The following POSTN variants were observed in gnomAD, a reference collection of about 807,000 sequenced individuals.
POSTN encodes osteoblast specific factor 2 (fasciclin I-like).
Under a neutral mutation model 104.5 loss-of-function variants are expected in POSTN, and 71 were observed. The ratio of observed to expected loss-of-function variants is 0.68; its 90% confidence interval spans 0.56 to 0.83. The LOEUF is 0.83. Among genes scored for constraint, POSTN ranks in the 40% least tolerant of loss-of-function variants. POSTN has a pLI of 0.00. For missense variants in POSTN, 949 were observed against 1,006.8 expected (o/e 0.94, Z 0.78); for synonymous variants, 355 against 340.7 (o/e 1.04, Z -0.46).
Position 37,583,917 on chromosome 13 carries a change from A to AG in POSTN, c.1243+51dup, listed in dbSNP as rs1444319983. The AG allele has an allele frequency of 7.1e-6, 11 of 1,557,884 alleles. No homozygotes were observed. In the Admixed American group the frequency reaches 1.0e-4, roughly 14 times the overall value. On this transcript the variant is annotated intron_variant, in intron 9 of 22. Transcript: ENST00000379747. ...TTCTTATTGCAAACAATCATCATAA[A>AG]GAAAAAAAGGTGTGTAGGCAGAGAG... is the stretch of plus-strand genomic sequence containing the variant.
At chr13:37,578,220 T>A (rs1010947587) in intron 15 of POSTN, among the ~76,000 whole-genome samples, 2 of 152,196 alleles carry the variant, frequency 1.3e-5, no homozygotes, top group African/African-American at 2.4e-5. Flanking sequence ...TATGTACCAT[T>A]TTATTTTTCT....
rs540370321 is a variant in POSTN, at chr13:37,580,719, T to C, written c.1393-22A>G. 2.0e-5 allele frequency: 33 copies of C among 1,613,366 alleles called. No homozygotes were observed. In the South Asian group the frequency reaches 3.3e-4, roughly 16 times the overall value. ...CAGCCTAGGAAAGGAAAGAAAGGTA[T>C]GGGGTGTCATTTTCCTTGCTTGAAA... On this transcript the variant is annotated intron_variant, in intron 10 of 22. Transcript: ENST00000379747.
intron 6 of POSTN, 46 bp from the exon 7 acceptor site, chr13:37,586,326 A>G: frequency 6.4e-7 from 1 of 1,571,266 alleles, no homozygotes; most frequent in Non-Finnish European, 8.7e-7. Flanking sequence ...TTGTAAATCC[A>G]GAAAAAGATT....
At chr13:37,587,793 T>A (rs754627366) in intron 5 of POSTN, 29 bp downstream of exon 5, 1 of 1,470,388 alleles carries the variant, frequency 6.8e-7, no homozygotes, top group Non-Finnish European at 9.3e-7. Context: ...GTATTTTTCA[T>A]AAGTGTACTT....
intron 15 of POSTN, among the ~76,000 whole-genome samples, chr13:37,578,211 A>G (rs945235913): frequency 6.6e-6 from 1 of 152,178 alleles, no homozygotes; most frequent in Non-Finnish European, 1.5e-5. Flanking sequence ...TTAGTCATTT[A>G]TGTACCATTT....
chr13:37,567,190 C>T (rs1950133771), intron 21 of POSTN, among the ~76,000 whole-genome samples: 1 of 126,054 alleles, frequency 7.9e-6, no homozygotes, highest in South Asian at 2.8e-4. Flanking sequence ...GAGCCGAGAT[C>T]CCGCCACTGC....
At chr13:37,566,428 T>C (rs1409995523) in intron 21 of POSTN, among the ~76,000 whole-genome samples, 2 of 152,182 alleles carry the variant, frequency 1.3e-5, no homozygotes, top group African/African-American at 4.8e-5. Flanking sequence ...TTAATGTCAA[T>C]TGATGATTGA....
At chr13:37,567,364 C>T (rs2138153057) in intron 21 of POSTN, among the ~76,000 whole-genome samples, 1 of 149,546 alleles carries the variant, frequency 6.7e-6, no homozygotes, top group East Asian at 2.0e-4. Flanking sequence ...ATTAATTGGC[C>T]AGACCTTGGA....
intron 10 of POSTN, among the ~76,000 whole-genome samples, chr13:37,581,604 T>G (rs1279357577): frequency 6.6e-6 from 1 of 152,010 alleles, no homozygotes; most frequent in Non-Finnish European, 1.5e-5. Flanking sequence ...GCACCTATAG[T>G]CCTAGCTACT....
At chr13:37,574,906 T>C (rs950026284) in intron 16 of POSTN, among the ~76,000 whole-genome samples, 1 of 151,952 alleles carries the variant, frequency 6.6e-6, no homozygotes, top group Non-Finnish European at 1.5e-5. Context: ...TGAGGAATTA[T>C]ATCTAGAAAT....
Position 37,590,502 on chromosome 13 carries a change from G to A in POSTN, c.311C>T (p.Thr104Ile). The A allele has an allele frequency of 6.2e-7, 1 of 1,612,758 alleles. No individual in the cohort carries two copies. Among genetic ancestry groups the A allele is most frequent in the Non-Finnish European group, 8.5e-7 (1 of 1,179,112 alleles). Residue 104 changes from threonine (T) to isoleucine (I), a missense_variant, in exon 4 of 23, where the codon ACT (threonine) becomes ATT (isoleucine). Coordinates refer to ENST00000379747, the MANE Select transcript of POSTN (RefSeq NM_006475.3). ...TGTGGTGGCTCCCACGATGCCCAGA[G>A]TGCCATAAACATGGTCAATGGGCAA... is the stretch of plus-strand genomic sequence containing the variant. ...AVLPIDHVYGTLGIVGATTTQ... is the reference protein window; with the variant it reads ...AVLPIDHVYGILGIVGATTTQ...
Position 37,574,758 on chromosome 13 carries a change from C to T in POSTN, c.2009-106G>A, listed in dbSNP as rs1017247230. On this transcript the variant is annotated intron_variant, in intron 16 of 22. Coordinates refer to ENST00000379747, the MANE Select transcript of POSTN (RefSeq NM_006475.3). ...TTTGTCTCTGTAGGATACTAAGGCA[C>T]AGGATGTGGTAATATGTTCAGGCAG... is the stretch of plus-strand genomic sequence containing the variant. 2.7e-5 allele frequency: 36 copies of T among 1,340,778 alleles called. No homozygotes were observed. The Admixed American group carries it at 3.4e-4, about 13-fold the overall frequency. The allele number at this position is 1,340,778 out of a possible 1,614,324, so 83.1% of individuals were successfully genotyped here.
At chr13:37,586,663 C>T in intron 6 of POSTN, 119 bp downstream of exon 6, 1 of 944,750 alleles carries the variant, frequency 1.1e-6, no homozygotes. Context: ...AATAGTAGTC[C>T]TTTCAAAAAA....
intron 22 of POSTN, among the ~76,000 whole-genome samples, chr13:37,563,605 A>C: frequency 6.6e-6 from 1 of 152,222 alleles, no homozygotes; most frequent in East Asian, 1.9e-4. Flanking sequence ...ATTTGTGTCA[A>C]TTTGGATATT....
chr13:37,569,314 C>T lies in POSTN; in HGVS notation c.2417G>A (p.Arg806Lys), dbSNP rs774049316. ...CTTTTACTAACCTCCCTGAAGCAGT[C>T]TTTTAATTTCTTCATCTTCAAATAA... ...GHLFEDEEIK[R>K]LLQGDTPVRK... is the part of the protein sequence containing the mutation. Residue 806 changes from arginine (R) to lysine (K), a missense_variant, in exon 21 of 23, where the codon AGA becomes AAA. Arg to Lys is a conservative substitution (Grantham distance 26). Coordinates refer to ENST00000379747, the MANE Select transcript of POSTN (RefSeq NM_006475.3). The T allele has an allele frequency of 2.5e-6, 4 of 1,612,148 alleles. No homozygotes were observed. In the South Asian group the frequency reaches 4.4e-5, roughly 18 times the overall value.
Position 37,579,358 on chromosome 13 carries a change from C to T in POSTN, c.1662G>A (p.Arg554=). The T allele has an allele frequency of 6.4e-7, 1 of 1,568,226 alleles. No individual in the cohort carries two copies. The highest frequency in any genetic ancestry group is 8.8e-7 in the Non-Finnish European group (1 of 1,141,974). ...TGATGTTTTGAAGAGCATTTTTGTC[C>T]CCTAGGGGAAAATATATGTTTATTT... ...MTSEEKEILI[R]DKNALQNIIL... is the part of the protein sequence containing the mutation. Residue 554 remains arginine (R), a splice_region_variant and synonymous_variant, in exon 13 of 23, where the codon CGG becomes CGA. Coordinates refer to ENST00000379747, the MANE Select transcript of POSTN (RefSeq NM_006475.3).
intron 2 of POSTN, among the ~76,000 whole-genome samples, chr13:37,595,253 TG>T (rs1038238790): frequency 5.3e-5 from 8 of 152,132 alleles, no homozygotes; most frequent in African/African-American, 1.9e-4. Context: ...ATATGCTTCA[TG>T]GTATCCAAGA....
In POSTN at chr13:37,592,161, AG is replaced by A; in HGVS notation, c.221del (p.Thr74MetfsTer11). The stretch of plus-strand genomic sequence containing the variant: ...AACCAGGGCAACATTCATATAACAC[AG>A]TCCTGTACATAGGAAGAAAATTAAT... ...YKKSICGQKTTVLYECCPGYM... is the reference protein window; with the variant it reads ...YKKSICGQKTXVLYECCPGYM... On this transcript the variant is annotated frameshift_variant and splice_region_variant, in exon 3 of 23. Coordinates refer to ENST00000379747, the MANE Select transcript of POSTN (RefSeq NM_006475.3). LOFTEE classifies it high-confidence loss of function. The A allele has an allele frequency of 1.3e-6, 2 of 1,564,138 alleles. No individual in the cohort carries two copies. The highest frequency in any genetic ancestry group is 2.3e-5 in the South Asian group (2 of 87,212).
At chr13:37,590,927 C>A (rs568009847) in intron 3 of POSTN, among the ~76,000 whole-genome samples, 2 of 152,046 alleles carry the variant, frequency 1.3e-5, no homozygotes, top group Non-Finnish European at 2.9e-5. Flanking sequence ...TTTCTGGGAG[C>A]AAATGATTTA....
Sources: gnomAD v4.1 joint callset for allele counts (sites outside exome capture counted in the v4.1 genomes callset) on GRCh38, gnomAD v4.1.1 for gene constraint, MANE v1.5 for transcripts, NCBI Gene and HGNC (gene_info 2026-07-23, HGNC 2026-07-21) for gene names.